Variants in FMNL1 observed in about 807,000 individuals in gnomAD.
FMNL1 encodes the protein formin like 1, also known as formin-like protein 1.
A neutral mutation model predicts 121.3 loss-of-function variants in FMNL1; 43 were observed. That is an observed-to-expected ratio of 0.35 (90% confidence interval 0.28 to 0.46). The LOEUF is 0.46. FMNL1 is among the 20% of genes least tolerant of loss of function. The probability of loss-of-function intolerance (pLI) is 1.00; values close to 1 mark genes in which losing one functional copy is unlikely to be tolerated. For synonymous variants in FMNL1, 613 were observed against 613.5 expected (o/e 1.00, Z 0.01); for missense variants, 1,191 against 1,482.4 (o/e 0.80, Z 3.23).
chr17:45,242,459 G>A lies in FMNL1; in HGVS notation c.2004G>A (p.Val668=). 6.2e-7 allele frequency: 1 copy of A among 1,613,502 alleles called. No homozygotes were observed. The change falls in exon 16 of 27, where the codon GTG becomes GTA. Residue 668 remains valine (V), a synonymous_variant. Coordinates refer to ENST00000331495, the MANE Select transcript of FMNL1 (RefSeq NM_005892.4). ...TVFTELNDEK[V]LQELDMSDFE... is the part of the protein sequence containing the mutation. ...TCACAGAGCTCAATGATGAGAAGGT[G>A]CTGCAGGTGAGTGGCCCTGCCTGGC... is the stretch of plus-strand genomic sequence containing the variant.
Position 45,236,083 on chromosome 17 carries a change from C to T in FMNL1, c.615-53C>T, listed in dbSNP as rs930266349. On this transcript the variant is annotated intron_variant, in intron 6 of 26. Coordinates refer to ENST00000331495, the MANE Select transcript of FMNL1 (RefSeq NM_005892.4). ...CCCCAGAGGCTGAGTGGTGGGGAAACAGGAAGCTGGGGCTCACTCTGACTC... is the reference window on the plus strand; with the variant it reads ...CCCCAGAGGCTGAGTGGTGGGGAAATAGGAAGCTGGGGCTCACTCTGACTC... 1.0e-5 allele frequency: 15 copies of T among 1,464,420 alleles called. No individual in the cohort carries two copies. The South Asian group carries it at 1.6e-4, about 16-fold the overall frequency. 90.7% of individuals were successfully genotyped at this position (1,464,420 alleles called of 1,614,324 possible). A position where few individuals can be genotyped will look rare whatever the true frequency, so the allele number is the denominator to read the frequency against.
chr17:45,243,654 C>T, intron 17 of FMNL1, 137 bp from the exon 18 acceptor site: 2 of 890,778 alleles, frequency 2.2e-6, no homozygotes, highest in South Asian at 3.6e-5. Flanking sequence ...CTCTGGATTC[C>T]TACCTCTTGC....
chr17:45,233,239 C>G lies in FMNL1; in HGVS notation c.343C>G (p.Gln115Glu), dbSNP rs1452009852. 1 of 1,559,098 alleles carries G rather than the reference C, an allele frequency of 6.4e-7. No individual in the cohort carries two copies. The highest frequency in any genetic ancestry group is 1.9e-5 in the Admixed American group (1 of 51,762). Residue 115 changes from glutamine to glutamate, a missense_variant, in exon 4 of 27, where the codon CAG (glutamine) becomes GAG (glutamate). Physicochemically the swap from Gln to Glu is conservative, Grantham distance 29. Coordinates refer to ENST00000331495, the MANE Select transcript of FMNL1 (RefSeq NM_005892.4). This position sits in a 1 kb window ranked among gnomAD's most constrained non-coding sequence, Gnocchi z 4.1. ...CGGTCCCCAGTTTAAGAGGCGAGTT[C>G]AGGAGTCCACGCAGGTGCTACGGGA... is the stretch of plus-strand genomic sequence containing the variant. ...MSNLGFKRRV[Q>E]ESTQVLRELE...
intron 2 of FMNL1, among the ~76,000 whole-genome samples, chr17:45,232,068 G>A (rs1475601222): frequency 6.6e-6 from 1 of 152,178 alleles, no homozygotes; most frequent in African/African-American, 2.4e-5. Flanking sequence ...CAGCTACCTG[G>A]GAGGCTGAGG....
intron 9 of FMNL1, chr17:45,238,227 A>T: frequency 3.8e-6 from 1 of 261,374 alleles, no homozygotes; most frequent in Non-Finnish European, 7.4e-6. Flanking sequence ...AATTGGTTGC[A>T]GGGTGGTCAG....
chr17:45,239,652 G>T (rs1356409991), intron 11 of FMNL1, among the ~76,000 whole-genome samples: 1 of 152,182 alleles, frequency 6.6e-6, no homozygotes, highest in Non-Finnish European at 1.5e-5. Flanking sequence ...AAAAGGTAGA[G>T]AGCAGGCTGG....
At chr17:45,246,412 G>C in intron 25 of FMNL1, 82 bp downstream of exon 25, 2 of 1,612,752 alleles carry the variant, frequency 1.2e-6, no homozygotes, top group Non-Finnish European at 1.7e-6. Flanking sequence ...ATCCTCTGGG[G>C]GACTGGCTGC....
chr17:45,233,819 C>T lies in FMNL1; in HGVS notation c.485+88C>T. 6.5e-7 allele frequency: 1 copy of T among 1,538,042 alleles called. No homozygotes were observed. Among genetic ancestry groups the T allele is most frequent in the Admixed American group, 1.9e-5 (1 of 53,884 alleles). On this transcript the variant is annotated intron_variant, in intron 5 of 26. Coordinates refer to ENST00000331495, the MANE Select transcript of FMNL1 (RefSeq NM_005892.4). This position sits in a 1 kb window ranked among gnomAD's most constrained non-coding sequence, Gnocchi z 4.1. ...TCTCACCCACTCCCCTGGCCAGTTT[C>T]AAGCCAGGCAGCCCGAGCCTACCCT...
intron 2 of FMNL1, 97 bp downstream of exon 2, chr17:45,230,784 G>A: frequency 7.7e-7 from 1 of 1,296,732 alleles, no homozygotes; most frequent in Non-Finnish European, 1.1e-6. Flanking sequence ...CCGCCATACT[G>A]CCCATGGAGC....
At position 45,241,165 on chromosome 17, in the gene FMNL1, A is replaced by G. The variant is rs1390344636; in HGVS notation, c.1267A>G (p.Met423Val). The change falls in exon 13 of 27, where the codon ATG becomes GTG. Residue 423 changes from methionine to valine, a missense_variant. Transcript: ENST00000331495. The surrounding 1 kb of genome is among the most constrained non-coding windows in gnomAD (Gnocchi z 7.0). ...GCTTCGGGACGCGGAGAACGAATCC[A>G]TGGCCAAGATTGCAGAACTGGAAAA... ...ERLRDAENES[M>V]AKIAELEKQL... The G allele has an allele frequency of 4.3e-6, 7 of 1,613,916 alleles. No homozygotes were observed. The highest frequency in any genetic ancestry group is 5.9e-6 in the Non-Finnish European group (7 of 1,179,928).
At chr17:45,242,771 T>C (rs1027489951) in intron 16 of FMNL1, among the ~76,000 whole-genome samples, 1 of 152,264 alleles carries the variant, frequency 6.6e-6, no homozygotes, top group Non-Finnish European at 1.5e-5. Flanking sequence ...CTGATTCCAC[T>C]TCCAGTTTTC....
chr17:45,235,051 C>T (rs2043522776), intron 6 of FMNL1, among the ~76,000 whole-genome samples: 2 of 152,218 alleles, frequency 1.3e-5, no homozygotes, highest in Non-Finnish European at 1.5e-5. Flanking sequence ...TAGCTTCCTG[C>T]TTTGGGTCTA....
intron 6 of FMNL1, 105 bp downstream of exon 6, chr17:45,234,305 A>G (rs1299100888): frequency 6.3e-7 from 1 of 1,582,338 alleles, no homozygotes; most frequent in Non-Finnish European, 8.6e-7. Context: ...CGAGAGGGGT[A>G]GCCATGCATT....
intron 1 of FMNL1, 91 bp from the exon 2 acceptor site, chr17:45,230,513 G>A (rs1483390741): frequency 5.9e-6 from 7 of 1,192,532 alleles, no homozygotes; most frequent in Non-Finnish European, 8.7e-6. Context: ...CACCTCCTAG[G>A]GAGCCAAGTG....
Position 45,243,973 on chromosome 17 carries a change from C to T in FMNL1, c.2396C>T (p.Thr799Ile), listed in dbSNP as rs2143612365. 6.2e-7 allele frequency: 1 copy of T among 1,612,894 alleles called. No homozygotes were observed. The highest frequency in any genetic ancestry group is 2.2e-5 in the East Asian group (1 of 44,864). The change falls in exon 18 of 27, where the codon ACC becomes ATC. Residue 799 changes from threonine (T) to isoleucine (I), a missense_variant. Transcript: ENST00000331495. ...ATCCCGCGCCTGCCGGAGCGCATGA[C>T]CACACTCACCTTCCTGGGCAACTTC... ...SRIPRLPERM[T>I]TLTFLGNFPD...
rs2043654571 is a variant in FMNL1 at position 45,240,297 on chromosome 17, A to G, written c.1081-179A>G. 5.3e-6 allele frequency: 3 copies of G among 567,748 alleles called. No homozygotes were observed. The South Asian group carries it at 1.1e-4, about 20-fold the overall frequency. The allele number at this position is 567,748 out of a possible 1,614,324, so 35.2% of individuals were successfully genotyped here. ...TTGTGGCTATACTAAGAATGACTGA[A>G]TTGTACACTTTAAAATGGATTTTAT... On this transcript the variant is annotated intron_variant, in intron 11 of 26. Transcript: ENST00000331495.
At chr17:45,242,691 C>T (rs528055244) in intron 16 of FMNL1, among the ~76,000 whole-genome samples, 1 of 152,382 alleles carries the variant, frequency 6.6e-6, no homozygotes, top group East Asian at 1.9e-4. Context: ...TGCCTCCCCT[C>T]ACCCCACTTC....
chr17:45,223,145 C>G lies in FMNL1; in HGVS notation c.129+892C>G, dbSNP rs2043264154. Among the ~76,000 whole-genome samples the G allele has an allele frequency of 1.3e-5, 2 of 152,246 alleles. 1 individual carries two copies. Among genetic ancestry groups the G allele is most frequent in the Admixed American group, 1.3e-4 (2 of 15,288 alleles). Reference sequence around the variant, plus strand: ...CCCGACGCCCTGGCCCTGGCTCCCTCCTCTAACTAATTGCCTGGTGGCCTG... The same window carrying G: ...CCCGACGCCCTGGCCCTGGCTCCCTGCTCTAACTAATTGCCTGGTGGCCTG... On this transcript the variant is annotated intron_variant, in intron 1 of 26. Coordinates refer to ENST00000331495, the MANE Select transcript of FMNL1 (RefSeq NM_005892.4).
chr17:45,239,245 T>C, intron 11 of FMNL1, 180 bp downstream of exon 11: 1 of 609,178 alleles, frequency 1.6e-6, no homozygotes, highest in Non-Finnish European at 3.0e-6. Flanking sequence ...TTGCCATCTG[T>C]GAAATAGGAG....
Sources: allele counts gnomAD v4.1 joint callset (sites outside exome capture counted in the v4.1 genomes callset), GRCh38; gene constraint gnomAD v4.1.1; non-coding constraint Gnocchi (gnomAD v3.1); transcripts MANE v1.5; gene names NCBI Gene and HGNC (gene_info 2026-07-23, HGNC 2026-07-21).